The following DYSF variants were observed in gnomAD, a reference collection of about 807,000 sequenced individuals.
DYSF encodes dysferlin, also known as dystrophy-associated fer-1-like 1.
In DYSF, 212 loss-of-function variants were observed where a neutral mutation model predicts 274.9. The ratio of observed to expected loss-of-function variants is 0.77; its 90% CI spans 0.69 to 0.86. The LOEUF is 0.86. Ranked by LOEUF, DYSF falls within the 40% of genes least tolerant of loss-of-function variation. The probability of loss-of-function intolerance (pLI) is 0.00; values close to 1 mark genes in which losing one functional copy is unlikely to be tolerated. For missense variants in DYSF, 2,666 were observed against 2,783.2 expected, an observed-to-expected ratio of 0.96 and a Z score of 0.95; for synonymous variants, 1,091 against 1,078.7, an observed-to-expected ratio of 1.01 and a Z score of -0.22.
chr2:71,655,803 G>A (rs138167159), intron 42 of DYSF, among the ~76,000 whole-genome samples: 4 of 152,276 alleles, frequency 2.6e-5, no homozygotes, highest in Non-Finnish European at 5.9e-5. Flanking sequence ...CCATGTCTCT[G>A]ATGACTCTCA....
At chr2:71,483,134 G>T (rs1379968725) in intron 3 of DYSF, among the ~76,000 whole-genome samples, 1 of 152,232 alleles carries the variant, frequency 6.6e-6, no homozygotes, top group African/African-American at 2.4e-5. Flanking sequence ...ATGGGTGCAT[G>T]GTGTGGGGAG....
At chr2:71,543,919 G>A (rs113370798) in intron 17 of DYSF, among the ~76,000 whole-genome samples, 3 of 150,020 alleles carry the variant, frequency 2.0e-5, no homozygotes, top group Non-Finnish European at 4.5e-5. Context: ...AGAGGGGGAG[G>A]GAGAAGGAGA....
chr2:71,572,550 C>A (rs1047962987), intron 29 of DYSF, among the ~76,000 whole-genome samples: 1 of 152,250 alleles, frequency 6.6e-6, no homozygotes. Context: ...GCAGTGCCCT[C>A]GGGAGTGTGA....
At chr2:71,683,740 G>A (rs1255643625) in intron 55 of DYSF, among the ~76,000 whole-genome samples, 1 of 152,214 alleles carries the variant, frequency 6.6e-6, no homozygotes, top group Non-Finnish European at 1.5e-5. Flanking sequence ...CACTGGCCCA[G>A]AGCATTGATC....
intron 42 of DYSF, 69 bp from the exon 43 acceptor site, chr2:71,656,093 C>A (rs2094763068): frequency 1.9e-6 from 3 of 1,585,726 alleles, no homozygotes; most frequent in Non-Finnish European, 1.7e-6. Flanking sequence ...TCTCTTGTTT[C>A]CTTTCCTTTG....
At chr2:71,583,205 TCTG>T (rs2092954248) in intron 30 of DYSF, among the ~76,000 whole-genome samples, 1 of 152,210 alleles carries the variant, frequency 6.6e-6, no homozygotes, top group South Asian at 2.1e-4. Context: ...GAAAATATAA[TCTG>T]CTCTCGTGAA....
At chr2:71,513,487 C>T (rs936324291) in intron 6 of DYSF, among the ~76,000 whole-genome samples, 155 bp downstream of exon 6, 3 of 152,226 alleles carry the variant, frequency 2.0e-5, no homozygotes, top group Admixed American at 2.0e-4. Context: ...TGTTTTCTTC[C>T]TGTTGACTAA....
At chr2:71,583,364 A>G (rs1420662189) in intron 30 of DYSF, among the ~76,000 whole-genome samples, 1 of 152,102 alleles carries the variant, frequency 6.6e-6, no homozygotes, top group Non-Finnish European at 1.5e-5. Flanking sequence ...GTAGGAGTTG[A>G]GTCCTCCCCA....
At chr2:71,572,721 G>A (rs1008138260) in intron 29 of DYSF, among the ~76,000 whole-genome samples, 8 of 152,202 alleles carry the variant, frequency 5.3e-5, no homozygotes, top group Admixed American at 1.3e-4. Context: ...GTGAGCTGGG[G>A]CACATACCTA....
intron 7 of DYSF, 128 bp downstream of exon 7, chr2:71,514,049 G>T (rs907987075): frequency 2.7e-6 from 3 of 1,101,400 alleles, no homozygotes; most frequent in African/African-American, 3.1e-5. Flanking sequence ...TCCTGTGGGG[G>T]AATCTGTAGT....
At chr2:71,513,657 G>T (rs2086338172) in intron 6 of DYSF, 59 bp from the exon 7 acceptor site, 1 of 1,576,150 alleles carries the variant, frequency 6.3e-7, no homozygotes, top group African/African-American at 1.3e-5. Flanking sequence ...GGGTCCCAGG[G>T]GCAGGGGCAG....
chr2:71,578,919 G>A (rs963828110), intron 30 of DYSF, among the ~76,000 whole-genome samples: 15 of 152,314 alleles, frequency 9.8e-5, no homozygotes, highest in African/African-American at 3.1e-4. Context: ...TCTGCTAATC[G>A]TCTGCTGTCT....
intron 36 of DYSF, among the ~76,000 whole-genome samples, chr2:71,609,998 A>C (rs1257396641): frequency 6.6e-6 from 1 of 152,186 alleles, no homozygotes; most frequent in Non-Finnish European, 1.5e-5. Context: ...AATTATAGTT[A>C]ACATTTCCGG....
In DYSF at chr2:71,598,699, AGCAACC is replaced by A. The variant is rs748683903; in HGVS notation, c.3713_3718del (p.Gln1238_Pro1239del). The A allele has an allele frequency of 2.5e-5, 41 of 1,613,628 alleles. No individual in the cohort carries two copies. The highest frequency in any genetic ancestry group is 3.2e-5 in the Non-Finnish European group (38 of 1,180,026). ...TTTGGCGAGCCGGCCACAGTTGCTGAGCAACCGCCCAGCATTGTGGTGGAGCTGTAC... is the reference window on the plus strand; with the variant it reads ...TTTGGCGAGCCGGCCACAGTTGCTGAGCCCAGCATTGTGGTGGAGCTGTAC... On this transcript the variant is annotated inframe_deletion, in exon 33 of 56. Coordinates refer to ENST00000410020, the MANE Select transcript of DYSF (RefSeq NM_001130987.2).
At chr2:71,659,064 G>C (rs753848002) in intron 44 of DYSF, 31 bp downstream of exon 44, 3 of 1,613,994 alleles carry the variant, frequency 1.9e-6, no homozygotes, top group Non-Finnish European at 2.5e-6. Context: ...ACCTCCCCCA[G>C]AGTAGCAGGC....
At chr2:71,603,641 C>T (rs1021490170) in intron 36 of DYSF, among the ~76,000 whole-genome samples, 2 of 152,168 alleles carry the variant, frequency 1.3e-5, no homozygotes, top group Non-Finnish European at 2.9e-5. Context: ...GCTCCCAGAC[C>T]GAGGTGGGGT....
At chr2:71,467,251 T>C (rs1192630325) in intron 1 of DYSF, among the ~76,000 whole-genome samples, 2 of 152,054 alleles carry the variant, frequency 1.3e-5, no homozygotes, top group Non-Finnish European at 2.9e-5. Context: ...TAAGGGTAAG[T>C]TGGAAGATGG....
upstream of DYSF, among the ~76,000 whole-genome samples, chr2:71,463,492 C>G (rs1255981883): frequency 6.6e-6 from 1 of 152,194 alleles, no homozygotes; most frequent in Non-Finnish European, 1.5e-5. Context: ...CCCACCTGTT[C>G]CCAGCCCCCA....
chr2:71,496,646 A>C (rs1399781411), intron 3 of DYSF, among the ~76,000 whole-genome samples: 2 of 151,856 alleles, frequency 1.3e-5, no homozygotes, highest in Non-Finnish European at 2.9e-5. Flanking sequence ...CAGGCTGTGG[A>C]GGAGGTGTGG....
Sources: gnomAD v4.1 joint callset for allele counts (sites outside exome capture counted in the v4.1 genomes callset) on GRCh38, gnomAD v4.1.1 for gene constraint, MANE v1.5 for transcripts, NCBI Gene and HGNC (gene_info 2026-07-23, HGNC 2026-07-21) for gene names.